Variants in TC2N observed in about 807,000 individuals in gnomAD.
TC2N encodes tandem C2 domains, nuclear, also known as tandem C2 domains nuclear protein.
TC2N carries 51 observed loss-of-function variants against 61.9 expected under a neutral mutation model. That is an observed-to-expected ratio of 0.82 (90% CI 0.66 to 1.04). The LOEUF is 1.04. TC2N is among the 50% of genes least tolerant of loss of function. The pLI is 0.00. For synonymous variants in TC2N, 204 were observed against 192.6 expected (o/e 1.06, Z -0.49); for missense variants, 556 against 566.7 (o/e 0.98, Z 0.19).
chr14:91,830,004 T>C (rs1050172915), intron 1 of TC2N, among the ~76,000 whole-genome samples: 1 of 152,110 alleles, frequency 6.6e-6, no homozygotes, highest in Non-Finnish European at 1.5e-5. Flanking sequence ...CATAATGAGA[T>C]ACCACTTCAC....
chr14:91,813,960 T>G, intron 1 of TC2N, 135 bp from the exon 2 acceptor site: 1 of 397,660 alleles, frequency 2.5e-6, no homozygotes, highest in Non-Finnish European at 4.5e-6. Flanking sequence ...GGAAGATAGA[T>G]TTTTGTAACC....
chr14:91,853,727 G>A (rs1306396153), intron 1 of TC2N, among the ~76,000 whole-genome samples: 1 of 149,820 alleles, frequency 6.7e-6, no homozygotes, highest in Non-Finnish European at 1.5e-5. Flanking sequence ...TGCTGCAGTT[G>A]CCCAGAATTC....
At chr14:91,794,956 T>C (rs772671271) in intron 8 of TC2N, among the ~76,000 whole-genome samples, 12 of 152,188 alleles carry the variant, frequency 7.9e-5, no homozygotes, top group Non-Finnish European at 1.6e-4. Flanking sequence ...AAATTCATGA[T>C]GCATGAAAGG....
At chr14:91,817,928 T>C (rs1444613584) in intron 1 of TC2N, among the ~76,000 whole-genome samples, 1 of 152,118 alleles carries the variant, frequency 6.6e-6, no homozygotes, top group African/African-American at 2.4e-5. Flanking sequence ...TTGTACAAAA[T>C]AGAGTAACAG....
intron 1 of TC2N, chr14:91,866,133 C>G (rs2139931107): frequency 6.6e-6 from 1 of 152,172 alleles, no homozygotes; most frequent in African/African-American, 2.4e-5. Flanking sequence ...GAGGAGAGTT[C>G]CTTTGTCAAG....
chr14:91,806,158 A>G (rs2139852641), intron 3 of TC2N, among the ~76,000 whole-genome samples: 1 of 152,202 alleles, frequency 6.6e-6, no homozygotes, highest in East Asian at 1.9e-4. Flanking sequence ...CATGATTGTA[A>G]GGCCTCCCCA....
chr14:91,858,403 T>G (rs1284144804), intron 1 of TC2N, among the ~76,000 whole-genome samples: 2 of 152,070 alleles, frequency 1.3e-5, no homozygotes, highest in Admixed American at 1.3e-4. Context: ...TGACTTGCCC[T>G]AGGTCACACA....
chr14:91,803,097 T>G (rs142168585), intron 3 of TC2N, among the ~76,000 whole-genome samples: 1 of 152,186 alleles, frequency 6.6e-6, no homozygotes, highest in East Asian at 1.9e-4. Context: ...TCATGAACAC[T>G]TACTTTATAA....
chr14:91,833,137 A>G (rs985640390), intron 1 of TC2N, among the ~76,000 whole-genome samples: 1 of 152,206 alleles, frequency 6.6e-6, no homozygotes, highest in African/African-American at 2.4e-5. Context: ...AATGTTGGTT[A>G]TGTATATTTC....
intron 1 of TC2N, among the ~76,000 whole-genome samples, chr14:91,855,306 G>A (rs889187047): frequency 6.6e-5 from 10 of 152,138 alleles, no homozygotes; most frequent in Admixed American, 5.2e-4. Flanking sequence ...AACAACAGAC[G>A]TTTATTCTCT....
chr14:91,804,164 T>C (rs565215705), intron 3 of TC2N, among the ~76,000 whole-genome samples: 14 of 152,256 alleles, frequency 9.2e-5, no homozygotes, highest in African/African-American at 3.4e-4. Flanking sequence ...ACCAGAATGG[T>C]TAAAAGCAAA....
intron 2 of TC2N, among the ~76,000 whole-genome samples, 180 bp from the exon 3 acceptor site, chr14:91,812,725 A>G (rs1438105335): frequency 6.6e-6 from 1 of 151,996 alleles, no homozygotes; most frequent in African/African-American, 2.4e-5. Flanking sequence ...ACGATATTTG[A>G]GCAATTAATA....
intron 1 of TC2N, among the ~76,000 whole-genome samples, chr14:91,827,312 T>A (rs986332793): frequency 2.0e-5 from 3 of 152,220 alleles, no homozygotes; most frequent in African/African-American, 7.2e-5. Context: ...GTTTGAAGTC[T>A]GAAATGGGTT....
At chr14:91,842,944 G>A (rs1419494176) in intron 1 of TC2N, among the ~76,000 whole-genome samples, 1 of 152,180 alleles carries the variant, frequency 6.6e-6, no homozygotes, top group African/African-American at 2.4e-5. Flanking sequence ...AAGGAGTGGA[G>A]TATATTTCCC....
chr14:91,823,400 A>T (rs899716838), intron 1 of TC2N, among the ~76,000 whole-genome samples: 4 of 151,440 alleles, frequency 2.6e-5, no homozygotes, highest in Admixed American at 6.6e-5. Flanking sequence ...CATGCCTGTA[A>T]TCCCAGCTAC....
Position 91,867,340 on chromosome 14 carries a change from AT to A in TC2N, c.-136del, listed in dbSNP as rs2139932020. ...CTCACGTAAACCTTCAGCATTTCTG[AT>A]TCCATCCTTCTTCCCAGCCCCTGAG... On this transcript the variant is annotated 5_prime_UTR_variant, in exon 1 of 12. An upstream open reading frame in the 5' UTR gains an earlier in-frame stop. Transcript: ENST00000435962. 1 of 152,322 alleles carries A rather than the reference AT, an allele frequency of 6.6e-6. No individual in the cohort carries two copies. The highest frequency in any genetic ancestry group is 1.9e-4 in the East Asian group (1 of 5,172). The allele number at this position is 152,322 out of a possible 1,614,324, so 9.4% of individuals were successfully genotyped here.
chr14:91,791,242 T>A (rs1885642624), intron 9 of TC2N, among the ~76,000 whole-genome samples: 1 of 148,056 alleles, frequency 6.8e-6, no homozygotes, highest in Non-Finnish European at 1.5e-5. Context: ...GAAGGGTAGA[T>A]ACATGTTTCT....
intron 9 of TC2N, among the ~76,000 whole-genome samples, chr14:91,789,085 ATTTT>A (rs1017335570): frequency 6.6e-6 from 1 of 152,136 alleles, no homozygotes; most frequent in African/African-American, 2.4e-5. Flanking sequence ...TTTTTTTATT[ATTTT>A]TTATTACAGT....
At chr14:91,836,969 T>TA (rs1888050052) in intron 1 of TC2N, among the ~76,000 whole-genome samples, 1 of 152,214 alleles carries the variant, frequency 6.6e-6, no homozygotes, top group Non-Finnish European at 1.5e-5. Flanking sequence ...AAAAAGTCTA[T>TA]AAAGTCTTTG....
Sources: gnomAD v4.1 joint callset for allele counts (sites outside exome capture counted in the v4.1 genomes callset) on GRCh38, gnomAD v4.1.1 for gene constraint, MANE v1.5 for transcripts, NCBI Gene and HGNC (gene_info 2026-07-23, HGNC 2026-07-21) for gene names.